Variants in IL15 observed in about 807,000 individuals in gnomAD.
IL15 encodes the protein interleukin 15.
IL15 carries 11 observed loss-of-function variants against 19.6 expected under a neutral mutation model. The observed-to-expected ratio is 0.56, with a 90% confidence interval of 0.35 to 0.93. The LOEUF (loss-of-function observed/expected upper bound fraction) is 0.93. Ranked by LOEUF, IL15 falls within the 40% of genes least tolerant of loss-of-function variation. IL15 has a pLI of 0.01. For missense variants in IL15, 197 were observed against 186.5 expected (o/e 1.06, Z -0.33); for synonymous variants, 58 against 59.6 (o/e 0.97, Z 0.12).
At chr4:141,667,105 G>A in intron 2 of IL15, among the ~76,000 whole-genome samples, 1 of 152,172 alleles carries the variant, frequency 6.6e-6, no homozygotes, top group East Asian at 1.9e-4. Context: ...CACAGGAATG[G>A]AAGTGCTTGT....
intron 2 of IL15, among the ~76,000 whole-genome samples, chr4:141,676,058 C>A (rs1454976641): frequency 1.3e-5 from 2 of 152,070 alleles, no homozygotes; most frequent in Non-Finnish European, 2.9e-5. Flanking sequence ...AAGCCAGCAC[C>A]AGGAATTAAG....
chr4:141,636,915 G>C (rs922370899), intron 1 of IL15, 167 bp downstream of exon 1: 1 of 152,410 alleles, frequency 6.6e-6, no homozygotes, highest in Non-Finnish European at 1.5e-5. Flanking sequence ...AAACTTAGCC[G>C]CAACTTCAAT....
At chr4:141,698,847 T>G (rs1729188609) in intron 2 of IL15, among the ~76,000 whole-genome samples, 1 of 152,066 alleles carries the variant, frequency 6.6e-6, no homozygotes, top group African/African-American at 2.4e-5. Context: ...CTCGGATCTT[T>G]GTTATTTTTT....
At chr4:141,700,441 A>G (rs1729245443) in intron 2 of IL15, among the ~76,000 whole-genome samples, 1 of 152,202 alleles carries the variant, frequency 6.6e-6, no homozygotes. Context: ...GAAGGTTTAA[A>G]TATAGGGCCC....
intron 2 of IL15, among the ~76,000 whole-genome samples, chr4:141,693,210 C>T (rs1300398540): frequency 6.6e-6 from 1 of 151,908 alleles, no homozygotes; most frequent in African/African-American, 2.4e-5. Flanking sequence ...GAAACTGCCA[C>T]TTTTAAACTA....
intron 2 of IL15, among the ~76,000 whole-genome samples, chr4:141,680,491 G>T (rs1364417186): frequency 3.3e-5 from 5 of 152,120 alleles, no homozygotes; most frequent in Admixed American, 3.3e-4. Flanking sequence ...TTCCTTCATG[G>T]AGATGGCTTT....
intron 2 of IL15, among the ~76,000 whole-genome samples, chr4:141,675,787 A>T (rs2152169860): frequency 6.6e-6 from 1 of 152,346 alleles, no homozygotes; most frequent in South Asian, 2.1e-4. Context: ...CTGTAGCTGC[A>T]GCTACAACAG....
intron 2 of IL15, among the ~76,000 whole-genome samples, chr4:141,702,226 C>T (rs1339573677): frequency 6.6e-6 from 1 of 152,186 alleles, no homozygotes; most frequent in East Asian, 1.9e-4. Context: ...TGTTCACACT[C>T]TTTTGTTCCA....
At position 141,728,063 on chromosome 4, in the gene IL15, T is replaced by C. The variant is rs1378926409; in HGVS notation, c.240+79T>C. On this transcript the variant is annotated intron_variant, in intron 6 of 7. Transcript: ENST00000320650. The stretch of plus-strand genomic sequence containing the variant: ...AAGTATATTTTTGTAACAACTAAAA[T>C]ATGGTAGTTTTAAAATCTAACTTTT... The C allele has an allele frequency of 5.7e-6, 4 of 699,828 alleles. No individual in the cohort carries two copies. In the East Asian group the frequency reaches 1.1e-4, roughly 19 times the overall value. 43.4% of individuals were successfully genotyped at this position (699,828 alleles called of 1,614,324 possible).
chr4:141,658,762 AG>A (rs1727688508), intron 2 of IL15, among the ~76,000 whole-genome samples: 1 of 152,190 alleles, frequency 6.6e-6, no homozygotes. Context: ...ATAAATTCAA[AG>A]AAAAAACACG....
intron 1 of IL15, among the ~76,000 whole-genome samples, chr4:141,644,495 C>T (rs181086220): frequency 7.7e-4 from 118 of 152,278 alleles, no homozygotes; most frequent in African/African-American, 2.6e-3. Context: ...GCATCCATCT[C>T]TCCGTATGTG....
intron 2 of IL15, among the ~76,000 whole-genome samples, chr4:141,658,794 T>C (rs1021087298): frequency 1.9e-4 from 29 of 151,834 alleles, no homozygotes; most frequent in African/African-American, 6.8e-4. Flanking sequence ...TCTTTGACAG[T>C]CATTATTTAT....
intron 2 of IL15, among the ~76,000 whole-genome samples, chr4:141,702,513 C>T (rs1210054172): frequency 6.6e-6 from 1 of 152,178 alleles, no homozygotes; most frequent in Admixed American, 6.5e-5. Context: ...AGTGTGCTGG[C>T]TTTCTTGAAT....
intron 2 of IL15, among the ~76,000 whole-genome samples, chr4:141,678,662 C>T (rs544265991): frequency 5.6e-4 from 83 of 148,296 alleles, no homozygotes; most frequent in Non-Finnish European, 9.6e-4. Flanking sequence ...AGTGCAGTGG[C>T]ATGATCTCAG....
chr4:141,670,628 T>C (rs1041561977), intron 2 of IL15, among the ~76,000 whole-genome samples: 2 of 152,192 alleles, frequency 1.3e-5, no homozygotes, highest in Non-Finnish European at 2.9e-5. Flanking sequence ...TATAGAAATA[T>C]TCAATATTTT....
At chr4:141,642,632 T>G (rs1222173187) in intron 1 of IL15, among the ~76,000 whole-genome samples, 2 of 152,190 alleles carry the variant, frequency 1.3e-5, no homozygotes, top group Admixed American at 1.3e-4. Context: ...AGTCTCCTCT[T>G]CTAGCCTCAG....
chr4:141,643,190 T>G (rs895350480), intron 1 of IL15, among the ~76,000 whole-genome samples: 7 of 152,156 alleles, frequency 4.6e-5, no homozygotes, highest in African/African-American at 1.7e-4. Context: ...CTCTAGTAAT[T>G]CATTCTTTCT....
chr4:141,666,531 G>A (rs1212714464), intron 2 of IL15, among the ~76,000 whole-genome samples: 1 of 151,790 alleles, frequency 6.6e-6, no homozygotes, highest in Admixed American at 6.6e-5. Flanking sequence ...AATTTTTTGT[G>A]TTCTTTTGTA....
intron 2 of IL15, among the ~76,000 whole-genome samples, chr4:141,657,478 T>C (rs1727648318): frequency 6.6e-6 from 1 of 152,110 alleles, no homozygotes; most frequent in East Asian, 1.9e-4. Flanking sequence ...TCTTTAACTT[T>C]TTGACTTTTG....
Sources: gnomAD v4.1 joint callset for allele counts (sites outside exome capture counted in the v4.1 genomes callset) on GRCh38, gnomAD v4.1.1 for gene constraint, MANE v1.5 for transcripts, NCBI Gene and HGNC (gene_info 2026-07-23, HGNC 2026-07-21) for gene names.